CMSS1: variants seen among roughly 807,000 people sequenced by gnomAD.
CMSS1 encodes cms1 ribosomal small subunit homolog, also known as protein CMSS1.
A neutral mutation model predicts 43.5 loss-of-function variants in CMSS1; 33 were observed. That is an observed-to-expected ratio of 0.76 (90% confidence interval 0.57 to 1.01). The LOEUF (loss-of-function observed/expected upper bound fraction) is 1.01. CMSS1 is among the 50% of genes least tolerant of loss of function. The pLI, the probability that CMSS1 is intolerant of heterozygous loss-of-function variation, is 0.00. For missense variants in CMSS1, 313 were observed against 326.4 expected (o/e 0.96, Z 0.32); for synonymous variants, 115 against 117.2 (o/e 0.98, Z 0.12).
chr3:99,827,673 C>G (rs187343462), intron 1 of CMSS1, among the ~76,000 whole-genome samples: 2 of 152,040 alleles, frequency 1.3e-5, no homozygotes, highest in Non-Finnish European at 2.9e-5. Context: ...GGCGCAATCT[C>G]GGCTCACTGC....
At chr3:100,145,502 A>G (rs2066842338) in intron 1 of CMSS1, among the ~76,000 whole-genome samples, 1 of 152,150 alleles carries the variant, frequency 6.6e-6, no homozygotes, top group South Asian at 2.1e-4. Context: ...CAGAACCAAC[A>G]GGATTATATA....
At chr3:99,987,528 C>CA (rs1209242716) in intron 1 of CMSS1, among the ~76,000 whole-genome samples, 2,997 of 56,586 alleles carry the variant, frequency 0.053, 87 homozygotes, top group African/African-American at 0.13. Flanking sequence ...GATTCTGTCT[C>CA]AAAAAAAAAA....
chr3:100,024,499 CCTT>C (rs1236716762), intron 1 of CMSS1, among the ~76,000 whole-genome samples: 2 of 152,082 alleles, frequency 1.3e-5, no homozygotes, highest in Non-Finnish European at 2.9e-5. Flanking sequence ...TATCAGGTCT[CCTT>C]AGACTATTCA....
intron 1 of CMSS1, among the ~76,000 whole-genome samples, chr3:99,844,627 C>G (rs1415541839): frequency 4.6e-5 from 7 of 152,170 alleles, no homozygotes; most frequent in Non-Finnish European, 1.0e-4. Context: ...GACTACAAAT[C>G]TCTAAAATTT....
chr3:99,991,819 T>C (rs1709518126), intron 1 of CMSS1, among the ~76,000 whole-genome samples: 1 of 91,638 alleles, frequency 1.1e-5, no homozygotes, highest in Non-Finnish European at 2.2e-5. Flanking sequence ...TATTCCATGG[T>C]GTGTGTATAT....
intron 1 of CMSS1, among the ~76,000 whole-genome samples, chr3:99,843,995 C>T (rs1370943434): frequency 1.4e-5 from 2 of 141,190 alleles, no homozygotes; most frequent in Non-Finnish European, 1.6e-5. Context: ...ATCCCCCCAA[C>T]CCCCCGCCCA....
chr3:100,035,153 A>G (rs553355830), intron 1 of CMSS1, among the ~76,000 whole-genome samples: 3 of 152,332 alleles, frequency 2.0e-5, no homozygotes, highest in Admixed American at 1.3e-4. Flanking sequence ...TTCTAGGATT[A>G]TTAGCAATTT....
chr3:99,937,547 G>A (rs1283307378), intron 1 of CMSS1, among the ~76,000 whole-genome samples: 2 of 152,200 alleles, frequency 1.3e-5, no homozygotes, highest in African/African-American at 4.8e-5. Flanking sequence ...GTGGCCTTGG[G>A]CGTCAGTGAG....
chr3:99,982,123 G>C (rs1454707909), intron 1 of CMSS1, among the ~76,000 whole-genome samples: 4 of 151,956 alleles, frequency 2.6e-5, no homozygotes, highest in Non-Finnish European at 5.9e-5. Context: ...GTTATAATTA[G>C]TTTAAAAAAC....
intron 1 of CMSS1, among the ~76,000 whole-genome samples, chr3:100,112,743 C>T (rs1383616431): frequency 2.6e-5 from 4 of 152,154 alleles, no homozygotes; most frequent in African/African-American, 4.8e-5. Flanking sequence ...ACCTTAATTA[C>T]CCAGGTGGAA....
At chr3:99,915,890 T>C (rs1037691942) in intron 1 of CMSS1, among the ~76,000 whole-genome samples, 2 of 152,232 alleles carry the variant, frequency 1.3e-5, no homozygotes, top group Admixed American at 6.5e-5. Flanking sequence ...GTCACATTAT[T>C]AGAACCCAGT....
At chr3:99,859,642 T>G (rs1944141374) in intron 1 of CMSS1, among the ~76,000 whole-genome samples, 1 of 152,228 alleles carries the variant, frequency 6.6e-6, no homozygotes, top group South Asian at 2.1e-4. Context: ...TTAGCAATTC[T>G]TGTCTAATAC....
At chr3:100,039,336 T>C (rs1332339054) in intron 1 of CMSS1, among the ~76,000 whole-genome samples, 1 of 152,182 alleles carries the variant, frequency 6.6e-6, no homozygotes, top group Non-Finnish European at 1.5e-5. Context: ...CAGCCAAGAC[T>C]CACCTGCTAC....
At chr3:100,111,936 G>A (rs181818707) in intron 1 of CMSS1, among the ~76,000 whole-genome samples, 8 of 152,268 alleles carry the variant, frequency 5.3e-5, no homozygotes, top group Admixed American at 2.0e-4. Context: ...CAAATCACTA[G>A]TAATCAGACT....
At chr3:100,177,315 T>C (rs553731893) in intron 9 of CMSS1, among the ~76,000 whole-genome samples, 1 of 152,314 alleles carries the variant, frequency 6.6e-6, no homozygotes, top group Admixed American at 6.5e-5. Context: ...GTCGTGCATT[T>C]TGTCCCCTGA....
At chr3:99,959,714 A>C (rs1708438033) in intron 1 of CMSS1, among the ~76,000 whole-genome samples, 1 of 152,238 alleles carries the variant, frequency 6.6e-6, no homozygotes, top group South Asian at 2.1e-4. Context: ...CAATAAATAG[A>C]GCAATAATGA....
chr3:100,176,593 A>G (rs1378130308), intron 9 of CMSS1, among the ~76,000 whole-genome samples, 178 bp downstream of exon 9: 2 of 152,138 alleles, frequency 1.3e-5, no homozygotes, highest in African/African-American at 4.8e-5. Context: ...CCTTACACAT[A>G]ATTGTATCCT....
chr3:100,003,490 T>A (rs569884458), intron 1 of CMSS1, among the ~76,000 whole-genome samples: 39 of 152,352 alleles, frequency 2.6e-4, no homozygotes, highest in African/African-American at 8.9e-4. Context: ...GCATTTTTTC[T>A]TTTGAATCTC....
chr3:99,863,798 C>T (rs1944376822), intron 1 of CMSS1, among the ~76,000 whole-genome samples: 1 of 152,194 alleles, frequency 6.6e-6, no homozygotes, highest in Admixed American at 6.5e-5. Flanking sequence ...ACTAGTTTCT[C>T]TTATGTACTT....
Sources: gnomAD v4.1 joint callset for allele counts (sites outside exome capture counted in the v4.1 genomes callset) on GRCh38, gnomAD v4.1.1 for gene constraint, MANE v1.5 for transcripts, NCBI Gene and HGNC (gene_info 2026-07-23, HGNC 2026-07-21) for gene names.